The following SETD5 variants were observed in gnomAD, a reference collection of about 807,000 sequenced individuals.
SETD5 encodes SET domain containing 5, also known as histone-lysine N-methyltransferase SETD5.
In SETD5, 44 loss-of-function variants were observed where a neutral mutation model predicts 153.3. That is an observed-to-expected ratio of 0.29 (90% CI 0.23 to 0.37). SETD5 has a LOEUF of 0.37. Ranked by LOEUF, SETD5 falls within the 10% of genes least tolerant of loss-of-function variation. SETD5 has a pLI of 1.00. For synonymous variants in SETD5, 716 were observed against 645.2 expected (o/e 1.11, Z -1.66); for missense variants, 1,544 against 1,768.0 (o/e 0.87, Z 2.27).
chr3:9,434,470 A>C lies in SETD5; in HGVS notation c.314A>C (p.Asn105Thr), dbSNP rs185408508. The C allele has an allele frequency of 1.4e-5, 22 of 1,613,980 alleles. No homozygotes were observed. Among genetic ancestry groups the C allele is most frequent in the Middle Eastern group, 1.6e-4 (1 of 6,062 alleles). The part of the protein sequence containing the change: ...CGLSQDGFLL[N>T]CDKCRGMSRG... ...CTTTCTCAGGATGGCTTCCTTCTCA[A>C]CTGTGACAAGTGCAGGTAAGATCCT... Residue 105 changes from asparagine to threonine, a missense_variant, in exon 5 of 23, where the codon AAC (asparagine) becomes ACC (threonine). By Grantham distance (65) the Asn-to-Thr change is moderately conservative. Around this residue, in one of 9 missense-constraint regions of SETD5, gnomAD observed 251 missense variants for 326.9 expected, o/e 0.77. Coordinates refer to ENST00000402198, the MANE Select transcript of SETD5 (RefSeq NM_001080517.3). This position sits in a 1 kb window ranked among gnomAD's most constrained non-coding sequence, Gnocchi z 5.6.
chr3:9,459,612 T>TACA (rs895717410), intron 17 of SETD5, among the ~76,000 whole-genome samples: 4 of 131,640 alleles, frequency 3.0e-5, no homozygotes, highest in African/African-American at 5.9e-5. Context: ...CTACTAAAAA[T>TACA]ACAACAACAA....
At chr3:9,436,984 G>A in intron 7 of SETD5, 2 of 1,132,866 alleles carry the variant, frequency 1.8e-6, no homozygotes, top group East Asian at 5.5e-5. Context: ...GGGAATCTTG[G>A]ACTCTGCTTT....
At chr3:9,444,961 G>A (rs2041761285) in intron 11 of SETD5, 87 bp from the exon 12 acceptor site, 2 of 1,486,550 alleles carry the variant, frequency 1.3e-6, no homozygotes, top group Non-Finnish European at 1.8e-6. Flanking sequence ...GGAAGTTACT[G>A]TACTGATATT....
At chr3:9,446,158 G>C (rs1355094103) in intron 13 of SETD5, among the ~76,000 whole-genome samples, 1 of 150,974 alleles carries the variant, frequency 6.6e-6, no homozygotes. Flanking sequence ...GCGGTGGCGG[G>C]TGCCTGTAGT....
chr3:9,462,574 A>G (rs1255750119), intron 17 of SETD5, among the ~76,000 whole-genome samples: 1 of 147,064 alleles, frequency 6.8e-6, no homozygotes, highest in Non-Finnish European at 1.5e-5. Context: ...GTGACAGAGC[A>G]AGAGTCCGTC....
At chr3:9,413,393 A>T (rs2036890401) in intron 1 of SETD5, among the ~76,000 whole-genome samples, 1 of 152,172 alleles carries the variant, frequency 6.6e-6, no homozygotes, top group African/African-American at 2.4e-5. Context: ...ATTTCTGAAA[A>T]GGTATCTTAT....
intron 9 of SETD5, 45 bp downstream of exon 9, chr3:9,441,786 G>A (rs1374497836): frequency 1.2e-6 from 2 of 1,609,680 alleles, no homozygotes; most frequent in African/African-American, 2.7e-5. Flanking sequence ...GGTGGACCTG[G>A]TTGACCAGTG....
chr3:9,444,087 G>A (rs1381046689), intron 11 of SETD5, among the ~76,000 whole-genome samples: 1 of 152,098 alleles, frequency 6.6e-6, no homozygotes, highest in Admixed American at 6.6e-5. Context: ...AATTTAATAT[G>A]TTACCTCTAC....
Position 9,445,316 on chromosome 3 carries a change from C to A in SETD5, c.1440+16C>A. 3.1e-6 allele frequency: 5 copies of A among 1,594,402 alleles called. No individual in the cohort carries two copies. In the South Asian group the frequency reaches 5.7e-5, roughly 18 times the overall value. ...TGATCATGAGGTAATCGCCCCTGGT[C>A]AAATGATGATGCTATGGCATCAATC... On this transcript the variant is annotated intron_variant, in intron 12 of 22. Transcript: ENST00000402198.
At chr3:9,440,332 C>T in intron 7 of SETD5, 124 bp from the exon 8 acceptor site, 1 of 634,348 alleles carries the variant, frequency 1.6e-6, no homozygotes, top group East Asian at 2.7e-5. Context: ...GTCCATTACT[C>T]TTTTATGCCA....
chr3:9,430,367 A>G, intron 3 of SETD5: 9 of 974,486 alleles, frequency 9.2e-6, no homozygotes, highest in Non-Finnish European at 1.1e-5. Flanking sequence ...CCATATAAAA[A>G]GGAGAAAGGA....
chr3:9,470,659 G>C lies in SETD5; in HGVS notation c.2925G>C (p.Gln975His). 6.2e-7 allele frequency: 1 copy of C among 1,613,988 alleles called. No individual in the cohort carries two copies. The highest frequency in any genetic ancestry group is 1.1e-5 in the South Asian group (1 of 91,080). The change falls in exon 19 of 23, where the codon CAG (glutamine) becomes CAC (histidine). Residue 975 changes from glutamine to histidine, a missense_variant. Gln to His is a conservative substitution (Grantham distance 24). Transcript: ENST00000402198. ...GHQTLVRNSD[Q>H]AFRTEFNLMY... ...AGACCCTCGTGAGAAACTCAGACCA[G>C]GCATTTCGGACAGAGTTCAACTTGA...
At chr3:9,420,614 G>GTTTCTCT in intron 1 of SETD5, among the ~76,000 whole-genome samples, 1 of 152,218 alleles carries the variant, frequency 6.6e-6, no homozygotes, top group East Asian at 1.9e-4. Context: ...GTCTCTCAGT[G>GTTTCTCT]CTTACCCCAA....
At chr3:9,441,872 TCTG>T (rs2041335931) in intron 9 of SETD5, 131 bp downstream of exon 9, 4 of 1,132,824 alleles carry the variant, frequency 3.5e-6, no homozygotes, top group East Asian at 2.4e-5. Flanking sequence ...CTCACACCTG[TCTG>T]CTATTTGTAG....
At chr3:9,455,704 T>G (rs909998603) in intron 17 of SETD5, among the ~76,000 whole-genome samples, 2 of 152,186 alleles carry the variant, frequency 1.3e-5, no homozygotes, top group Non-Finnish European at 2.9e-5. Context: ...GACTATCATG[T>G]TTGTGTATCT....
chr3:9,467,622 A>C (rs1000684292), intron 18 of SETD5, among the ~76,000 whole-genome samples: 2 of 152,088 alleles, frequency 1.3e-5, no homozygotes, highest in Admixed American at 6.5e-5. Context: ...ACAGTTATTC[A>C]GAGTCTACAT....
At position 9,475,691 on chromosome 3, in the gene SETD5, CGTT is replaced by C; in HGVS notation, c.3931_3933del (p.Leu1311del). The C allele has an allele frequency of 6.2e-7, 1 of 1,613,970 alleles. No individual in the cohort carries two copies. The highest frequency in any genetic ancestry group is 8.5e-7 in the Non-Finnish European group (1 of 1,179,884). ...CCCGCCCACCCTGTGTCCACAGACT[CGTT>C]GGCCCCATTTACGGGGACACCAGGG... On this transcript the variant is annotated inframe_deletion, in exon 23 of 23. Transcript: ENST00000402198.
intron 17 of SETD5, among the ~76,000 whole-genome samples, chr3:9,460,429 A>G (rs1476956126): frequency 6.6e-6 from 1 of 151,130 alleles, no homozygotes; most frequent in East Asian, 1.9e-4. Flanking sequence ...TCAAAATCCT[A>G]ACTTTTTTTT....
intron 1 of SETD5, among the ~76,000 whole-genome samples, chr3:9,423,719 A>G (rs1308732448): frequency 1.3e-5 from 2 of 152,178 alleles, no homozygotes; most frequent in African/African-American, 4.8e-5. Context: ...CATGCGTTCT[A>G]ATGCTTGGTA....
Sources: allele counts gnomAD v4.1 joint callset (sites outside exome capture counted in the v4.1 genomes callset), GRCh38; gene constraint gnomAD v4.1.1; regional missense constraint gnomAD v4.1.1; non-coding constraint Gnocchi (gnomAD v3.1); transcripts MANE v1.5; gene names NCBI Gene and HGNC (gene_info 2026-07-23, HGNC 2026-07-21).